VWF: variants seen among roughly 807,000 people sequenced by gnomAD.
VWF encodes the protein Factor VIII related antigen.
A neutral mutation model predicts 308.6 loss-of-function variants in VWF; 176 were observed. The observed-to-expected ratio is 0.57, with a 90% CI of 0.50 to 0.65. VWF has a LOEUF of 0.65. VWF is among the 30% of genes least tolerant of loss of function. VWF has a pLI of 0.00. For synonymous variants in VWF, 1,385 were observed against 1,443.4 expected, an observed-to-expected ratio of 0.96 and a Z score of 0.92; for missense variants, 3,146 against 3,648.2, an observed-to-expected ratio of 0.86 and a Z score of 3.55.
chr12:6,014,310 G>C lies in VWF; in HGVS notation c.5456-665C>G, dbSNP rs375315460. On this transcript the variant is annotated intron_variant, in intron 31 of 51. Transcript: ENST00000261405. ...TGAAACAAAGCCAGCCAAGACTACAGAGCAGAGGGACAGGAGCTGATTTTG... is the reference window on the plus strand; with the variant it reads ...TGAAACAAAGCCAGCCAAGACTACACAGCAGAGGGACAGGAGCTGATTTTG... Among the ~76,000 whole-genome samples the C allele has an allele frequency of 1.3e-3, 195 of 152,328 alleles. 1 individual carries two copies. The highest frequency in any genetic ancestry group is 4.5e-3 in the African/African-American group (185 of 41,568).
At position 6,064,342 on chromosome 12, in the gene VWF, C is replaced by T. The variant is rs767209816; in HGVS notation, c.1336G>A (p.Val446Ile). 16 of 1,614,056 alleles carry T rather than the reference C, an allele frequency of 9.9e-6. No homozygotes were observed. Among genetic ancestry groups the T allele is most frequent in the South Asian group, 3.3e-5 (3 of 91,092 alleles). Residue 446 changes from valine to isoleucine, a missense_variant, in exon 12 of 52, where the codon GTC becomes ATC. By Grantham distance (29) the Val-to-Ile change is conservative (BLOSUM62 3). Coordinates refer to ENST00000261405, the MANE Select transcript of VWF (RefSeq NM_000552.5). ...CTGTTGTGCAGGCCAGGCAGCCGGA[C>T]GGTGACGGAGCGGGTGCACACAGCG... ...RDAVCTRSVT[V>I]RLPGLHNSLV...
At chr12:5,991,227 T>C (rs1209746172) in intron 38 of VWF, among the ~76,000 whole-genome samples, 2 of 150,302 alleles carry the variant, frequency 1.3e-5, no homozygotes, top group Admixed American at 6.6e-5. Context: ...ACACGCTCCA[T>C]GATCAAATAA....
intron 15 of VWF, among the ~76,000 whole-genome samples, chr12:6,053,924 A>G (rs796394076): frequency 2.0e-5 from 3 of 152,354 alleles, no homozygotes; most frequent in African/African-American, 7.2e-5. Flanking sequence ...CATTCTGGTG[A>G]CAAAATTCCT....
At chr12:5,951,948 T>TC in intron 49 of VWF, 65 bp from the exon 50 acceptor site, 1 of 1,551,342 alleles carries the variant, frequency 6.4e-7, no homozygotes, top group South Asian at 1.1e-5. Flanking sequence ...TTCAGGTCAC[T>TC]CCGGGCCAAT....
intron 5 of VWF, among the ~76,000 whole-genome samples, chr12:6,108,334 T>TATACACACACACACACACACACACACAC (rs374693235): frequency 8.1e-6 from 1 of 124,158 alleles, no homozygotes; most frequent in Non-Finnish European, 1.7e-5. Context: ...AAGAAATATA[T>TATACACACACACACACACACACACACAC]ACACACACAC....
At chr12:6,078,596 T>G (rs998052865) in intron 6 of VWF, among the ~76,000 whole-genome samples, 2 of 152,004 alleles carry the variant, frequency 1.3e-5, no homozygotes, top group Admixed American at 1.3e-4. Flanking sequence ...CTCCCTGGGG[T>G]TTTCCTGGTC....
chr12:6,085,422 C>T lies in VWF; in HGVS notation c.658-9871G>A, dbSNP rs528994372. ...TTGTCCCTTAGTCTACGTTGTATCACGCAAGCCATATGAAACATCTCAGTG... is the reference window on the plus strand; with the variant it reads ...TTGTCCCTTAGTCTACGTTGTATCATGCAAGCCATATGAAACATCTCAGTG... On this transcript the variant is annotated intron_variant, in intron 6 of 51. Transcript: ENST00000261405. 5.1e-4 allele frequency among the ~76,000 whole-genome samples: 77 copies of T among 152,242 alleles called. 1 individual carries two copies. In the South Asian group the frequency reaches 0.011, roughly 22 times the overall value.
intron 5 of VWF, among the ~76,000 whole-genome samples, chr12:6,104,294 A>G (rs929773712): frequency 3.3e-5 from 5 of 152,114 alleles, no homozygotes; most frequent in Non-Finnish European, 7.4e-5. Context: ...GGCAAGGATG[A>G]GGAAAAAGGG....
At chr12:6,054,568 T>A (rs528701667) in intron 15 of VWF, among the ~76,000 whole-genome samples, 62 of 152,330 alleles carry the variant, frequency 4.1e-4, no homozygotes, top group African/African-American at 1.4e-3. Context: ...TTCTTGTGTA[T>A]CCACTGCATG....
chr12:6,056,346 C>T (rs1328166395), intron 15 of VWF, among the ~76,000 whole-genome samples: 1 of 131,638 alleles, frequency 7.6e-6, no homozygotes, highest in East Asian at 2.1e-4. Flanking sequence ...GAATCTAAAG[C>T]CAACTGGGGA....
At chr12:6,120,024 T>C (rs1945413571) in intron 3 of VWF, among the ~76,000 whole-genome samples, 1 of 152,078 alleles carries the variant, frequency 6.6e-6, no homozygotes, top group South Asian at 2.1e-4. Context: ...TCAGGGCAGG[T>C]AGCAAAGATG....
At chr12:6,045,337 A>T (rs1218254683) in intron 17 of VWF, among the ~76,000 whole-genome samples, 1 of 152,238 alleles carries the variant, frequency 6.6e-6, no homozygotes, top group Admixed American at 6.5e-5. Flanking sequence ...TTGTTAGAAA[A>T]CTGAAACTCC....
rs142100550 is a variant in VWF at position 5,987,972 on chromosome 12, G to T, written c.6799-2307C>A. ...TGTACACTTTAAATATGTGCTGTTT[G>T]TGGCATGTAAATTATATCTCAATAA... On this transcript the variant is annotated intron_variant, in intron 38 of 51. Coordinates refer to ENST00000261405, the MANE Select transcript of VWF (RefSeq NM_000552.5). Among the ~76,000 whole-genome samples, 537 of 152,328 alleles carry T rather than the reference G, an allele frequency of 3.5e-3. 2 individuals are homozygous for T. Among genetic ancestry groups the T allele is most frequent in the Non-Finnish European group, 5.5e-3 (375 of 68,036 alleles).
Position 6,043,405 on chromosome 12 carries a change from CTG to C in VWF, c.2442+884_2442+885del, listed in dbSNP as rs555418521. 2.2e-4 allele frequency among the ~76,000 whole-genome samples: 34 copies of C among 152,334 alleles called. No individual in the cohort carries two copies. In the South Asian group the frequency reaches 6.8e-3, roughly 31 times the overall value. On this transcript the variant is annotated intron_variant, in intron 18 of 51. Coordinates refer to ENST00000261405, the MANE Select transcript of VWF (RefSeq NM_000552.5). ...AACACTAAGTCCCCTCCAAAGCCAT[CTG>C]AGAGCCACCCTCTCCCATTCTGGCC...
chr12:6,121,110 C>A (rs1189565842), intron 3 of VWF, 64 bp downstream of exon 3: 17 of 1,605,878 alleles, frequency 1.1e-5, no homozygotes, highest in Non-Finnish European at 1.4e-5. Flanking sequence ...AATCCTCCCC[C>A]ACACCAGGGC....
Position 6,063,470 on chromosome 12 carries a change from T to C in VWF, c.1433-416A>G, listed in dbSNP as rs951212902. ...GTCTGAGCGATGCTGTGTACGACAC[T>C]GAATACAGCAATTGTTGCTTCTGTG... On this transcript the variant is annotated intron_variant, in intron 12 of 51. Coordinates refer to ENST00000261405, the MANE Select transcript of VWF (RefSeq NM_000552.5). This position sits in a 1 kb window ranked among gnomAD's most constrained non-coding sequence, Gnocchi z 4.9. Among the ~76,000 whole-genome samples, 2 of 152,188 alleles carry C rather than the reference T, an allele frequency of 1.3e-5. No individual in the cohort carries two copies. Among genetic ancestry groups the C allele is most frequent in the African/African-American group, 4.8e-5 (2 of 41,448 alleles).
chr12:6,015,544 C>T (rs1944046529), intron 31 of VWF, among the ~76,000 whole-genome samples: 1 of 152,040 alleles, frequency 6.6e-6, no homozygotes, highest in South Asian at 2.1e-4. Flanking sequence ...CCTGTCCCAG[C>T]TCACATCCTG....
At chr12:6,059,956 T>C (rs1029085265) in intron 13 of VWF, among the ~76,000 whole-genome samples, 3 of 152,092 alleles carry the variant, frequency 2.0e-5, no homozygotes, top group African/African-American at 7.2e-5. Context: ...GCATCTTTTC[T>C]CTCTCCTTTC....
chr12:5,988,170 A>C (rs1460712543), intron 38 of VWF, among the ~76,000 whole-genome samples: 1 of 152,198 alleles, frequency 6.6e-6, no homozygotes, highest in African/African-American at 2.4e-5. Context: ...AAAGGCACAG[A>C]CGAAGGAACA....
Sources: allele counts gnomAD v4.1 joint callset (sites outside exome capture counted in the v4.1 genomes callset), GRCh38; gene constraint gnomAD v4.1.1; non-coding constraint Gnocchi (gnomAD v3.1); transcripts MANE v1.5; gene names NCBI Gene and HGNC (gene_info 2026-07-23, HGNC 2026-07-21).